ECT2: variants seen among roughly 807,000 people sequenced by gnomAD.
The protein encoded by ECT2 is epithelial cell transforming 2, also known as protein ECT2.
Under a neutral mutation model 116.9 loss-of-function variants are expected in ECT2, and 61 were observed. That is an observed-to-expected ratio of 0.52 (90% CI 0.42 to 0.65). ECT2 has a LOEUF of 0.65. Ranked by LOEUF, ECT2 falls within the 30% of genes least tolerant of loss-of-function variation. ECT2 has a pLI of 0.00. For synonymous variants in ECT2, 358 were observed against 346.4 expected, an observed-to-expected ratio of 1.03 and a Z score of -0.37; for missense variants, 937 against 1,078.7, an observed-to-expected ratio of 0.87 and a Z score of 1.84.
At chr3:172,790,545 C>A (rs1159803708) in intron 18 of ECT2, among the ~76,000 whole-genome samples, 2 of 152,182 alleles carry the variant, frequency 1.3e-5, no homozygotes, top group Non-Finnish European at 2.9e-5. Context: ...GAAAAATATT[C>A]TTTGTTCTTT....
At chr3:172,755,253 G>C (rs1716725366) in intron 2 of ECT2, 42 bp from the exon 3 acceptor site, 1 of 1,497,574 alleles carries the variant, frequency 6.7e-7, no homozygotes, top group Non-Finnish European at 9.1e-7. Flanking sequence ...TGATTGTGAT[G>C]TTAATACATG....
chr3:172,822,585 A>G (rs1466800612), downstream of ECT2, among the ~76,000 whole-genome samples: 1 of 152,014 alleles, frequency 6.6e-6, no homozygotes, highest in Non-Finnish European at 1.5e-5. Flanking sequence ...CAAAAGAGGA[A>G]ATAAAAAGGC....
chr3:172,799,421 C>T (rs1726305583), intron 18 of ECT2, among the ~76,000 whole-genome samples: 1 of 152,138 alleles, frequency 6.6e-6, no homozygotes, highest in African/African-American at 2.4e-5. Context: ...TGAGGCAAGA[C>T]TCCATATGAT....
intron 1 of ECT2, 77 bp from the exon 2 acceptor site, chr3:172,754,432 G>T: frequency 9.6e-7 from 1 of 1,039,310 alleles, no homozygotes; most frequent in South Asian, 1.9e-5. Context: ...ATAAATTCTA[G>T]GTAAAAAGAG....
Position 172,759,084 on chromosome 3 carries a change from A to G in ECT2, c.576+15A>G, listed in dbSNP as rs779858647. The G allele has an allele frequency of 3.1e-5, 47 of 1,525,372 alleles. No individual in the cohort carries two copies. In the Middle Eastern group the frequency reaches 8.6e-4, roughly 28 times the overall value. 94.5% of individuals were successfully genotyped at this position (1,525,372 alleles called of 1,614,324 possible). Reference sequence around the variant, plus strand: ...AAGAAGAACTAGTAAGTATTACGAAACAAATTCAAAGCGTATTTTTTACAG... The same window carrying G: ...AAGAAGAACTAGTAAGTATTACGAAGCAAATTCAAAGCGTATTTTTTACAG... On this transcript the variant is annotated intron_variant, in intron 6 of 24. Transcript: ENST00000392692.
chr3:172,760,226 A>C lies in ECT2; in HGVS notation c.647A>C (p.His216Pro). The C allele has an allele frequency of 6.2e-7, 1 of 1,612,192 alleles. No individual in the cohort carries two copies. The stretch of plus-strand genomic sequence containing the variant: ...AAAGACTTTAATTCAAAAGTTACAC[A>C]TTTGGTGGCAAATTGTACACAAGGA... ...IRKDFNSKVT[H>P]LVANCTQGEK... Residue 216 changes from histidine (H) to proline (P), a missense_variant, in exon 7 of 25, where the codon CAT (histidine) becomes CCT (proline). By Grantham distance (77) the His-to-Pro change is moderately conservative (BLOSUM62 -2). Transcript: ENST00000392692.
At position 172,821,427 on chromosome 3, in the gene ECT2, A is replaced by G. The variant is rs1730673038; in HGVS notation, c.*1190A>G. The stretch of plus-strand genomic sequence containing the variant: ...GACTCTTTGCTACATTTTAAAAGCA[A>G]TTGTATTAGTAAGAACTTTGTAAAT... On this transcript the variant is annotated 3_prime_UTR_variant, in exon 25 of 25. Coordinates refer to ENST00000392692, the MANE Select transcript of ECT2 (RefSeq NM_001258315.2). 6.6e-6 allele frequency: 1 copy of G among 151,906 alleles called. No individual in the cohort carries two copies. Among genetic ancestry groups the G allele is most frequent in the African/African-American group, 2.4e-5 (1 of 41,428 alleles). 9.4% of individuals were successfully genotyped at this position (151,906 alleles called of 1,614,324 possible).
chr3:172,819,177 C>T (rs1246292326), intron 24 of ECT2, among the ~76,000 whole-genome samples: 1 of 152,024 alleles, frequency 6.6e-6, no homozygotes, highest in Non-Finnish European at 1.5e-5. Flanking sequence ...TTATATTATA[C>T]ATTCATATCA....
At chr3:172,827,619 G>T in the ECT2 span, among the ~76,000 whole-genome samples, 1 of 152,200 alleles carries the variant, frequency 6.6e-6, no homozygotes, top group Non-Finnish European at 1.5e-5. Flanking sequence ...GTTACCAGAG[G>T]CTGGGAAGGG....
intron 14 of ECT2, 23 bp downstream of exon 14, chr3:172,774,045 G>A: frequency 1.9e-6 from 3 of 1,601,170 alleles, no homozygotes; most frequent in African/African-American, 1.3e-5. Context: ...ATGTTAGATT[G>A]GTAGTAATTT....
intron 12 of ECT2, among the ~76,000 whole-genome samples, chr3:172,766,741 G>T (rs1391946956): frequency 1.3e-5 from 2 of 152,208 alleles, no homozygotes; most frequent in Non-Finnish European, 2.9e-5. Context: ...CATTAAGGCA[G>T]AACTATCCAG....
rs760097132 is a variant in ECT2 at position 172,757,044 on chromosome 3, C to G, written c.365C>G (p.Pro122Arg). ...GAAGAATTTGAAGGTTTGGATTCTC[C>G]GGAATTTGAAAATGTATTTGTAGTC... is the stretch of plus-strand genomic sequence containing the variant. ...SVEEFEGLDS[P>R]EFENVFVVTD... The change falls in exon 5 of 25, where the codon CCG becomes CGG. Residue 122 changes from proline (P) to arginine (R), a missense_variant. By Grantham distance (103) the Pro-to-Arg change is moderately radical. Coordinates refer to ENST00000392692, the MANE Select transcript of ECT2 (RefSeq NM_001258315.2). 4 of 1,611,288 alleles carry G rather than the reference C, an allele frequency of 2.5e-6. No homozygotes were observed. The highest frequency in any genetic ancestry group is 3.4e-6 in the Non-Finnish European group (4 of 1,179,040).
intron 14 of ECT2, among the ~76,000 whole-genome samples, chr3:172,775,875 C>G (rs1019346173): frequency 3.5e-4 from 53 of 152,182 alleles, no homozygotes; most frequent in East Asian, 5.8e-4. Context: ...CTCAAGTGAT[C>G]CGCCCGCCTC....
chr3:172,770,643 G>C (rs1170033993), intron 13 of ECT2, among the ~76,000 whole-genome samples: 1 of 152,100 alleles, frequency 6.6e-6, no homozygotes, highest in African/African-American at 2.4e-5. Flanking sequence ...CCCAGCCCAT[G>C]ATAATATTCT....
intron 22 of ECT2, among the ~76,000 whole-genome samples, chr3:172,809,836 A>G (rs1728447924): frequency 6.6e-6 from 1 of 152,198 alleles, no homozygotes. Context: ...TCAGGCTGAA[A>G]GAAAAGTTAA....
intron 13 of ECT2, among the ~76,000 whole-genome samples, chr3:172,773,098 C>G (rs1720949620): frequency 6.6e-6 from 1 of 152,134 alleles, no homozygotes; most frequent in Non-Finnish European, 1.5e-5. Flanking sequence ...CTTTGATTGG[C>G]ACTAAATTTA....
At chr3:172,764,054 G>A (rs1391497367) in intron 11 of ECT2, among the ~76,000 whole-genome samples, 3 of 152,174 alleles carry the variant, frequency 2.0e-5, no homozygotes, top group African/African-American at 7.2e-5. Flanking sequence ...ATATAATAGT[G>A]ATAGTGGCTA....
In ECT2 at chr3:172,816,698, G is replaced by C; in HGVS notation, c.2516G>C (p.Arg839Thr). Residue 839 changes from arginine to threonine, a missense_variant, in exon 24 of 25, where the codon AGA (arginine) becomes ACA (threonine). Coordinates refer to ENST00000392692, the MANE Select transcript of ECT2 (RefSeq NM_001258315.2). ...AIKKTSKKVT[R>T]AFSFSKTPKR... is the part of the protein sequence containing the mutation. ...TTGTAACTTAAACTCTAGGTTACAA[G>C]AGCATTCTCTTTCTCCAAAACTCCA... 6.3e-7 allele frequency: 1 copy of C among 1,598,910 alleles called. No individual in the cohort carries two copies. The highest frequency in any genetic ancestry group is 1.7e-4 in the Middle Eastern group (1 of 5,982).
In ECT2 at chr3:172,820,912, G is replaced by T. The variant is rs919931867; in HGVS notation, c.*675G>T. The T allele has an allele frequency of 1.3e-5, 2 of 152,004 alleles. No homozygotes were observed. The highest frequency in any genetic ancestry group is 3.9e-4 in the East Asian group (2 of 5,176). 9.4% of individuals were successfully genotyped at this position (152,004 alleles called of 1,614,324 possible). A position where few individuals can be genotyped will look rare whatever the true frequency, so the allele number is the denominator to read the frequency against. On this transcript the variant is annotated 3_prime_UTR_variant, in exon 25 of 25. Coordinates refer to ENST00000392692, the MANE Select transcript of ECT2 (RefSeq NM_001258315.2). ...AAGATTGAGAAACATTGTATATTTTGCAAAAACAAGATGTTTGTAGCTGTT... is the reference window on the plus strand; with the variant it reads ...AAGATTGAGAAACATTGTATATTTTTCAAAAACAAGATGTTTGTAGCTGTT...
Sources: gnomAD v4.1 joint callset for allele counts (sites outside exome capture counted in the v4.1 genomes callset) on GRCh38, gnomAD v4.1.1 for gene constraint, MANE v1.5 for transcripts, NCBI Gene and HGNC (gene_info 2026-07-23, HGNC 2026-07-21) for gene names.